Variants in CC2D2A observed in about 807,000 individuals in gnomAD.
CC2D2A encodes coiled-coil and C2 domain-containing protein 2A.
In CC2D2A, 155 loss-of-function variants were observed where a neutral mutation model predicts 212.9. That is an observed-to-expected ratio of 0.73 (90% confidence interval 0.64 to 0.83). CC2D2A has a LOEUF of 0.83. Ranked by LOEUF, CC2D2A falls within the 40% of genes least tolerant of loss-of-function variation. CC2D2A has a pLI of 0.00. For synonymous variants in CC2D2A, 667 were observed against 686.5 expected, an observed-to-expected ratio of 0.97 and a Z score of 0.44; for missense variants, 1,856 against 1,956.2, an observed-to-expected ratio of 0.95 and a Z score of 0.97.
At chr4:15,510,670 G>A (rs974403726) in intron 7 of CC2D2A, among the ~76,000 whole-genome samples, 4 of 152,154 alleles carry the variant, frequency 2.6e-5, no homozygotes, top group Admixed American at 2.6e-4. Flanking sequence ...AAAAAAGTAT[G>A]AGAAGTGATT....
At chr4:15,470,683 CTCTCTCTA>C (rs1713710483) in intron 1 of CC2D2A, among the ~76,000 whole-genome samples, 7 of 54,350 alleles carry the variant, frequency 1.3e-4, no homozygotes, top group South Asian at 6.8e-4. Context: ...CTCTCTCTCT[CTCTCTCTA>C]TATATATATA....
At chr4:15,486,043 T>C (rs917188422) in intron 4 of CC2D2A, among the ~76,000 whole-genome samples, 1 of 152,316 alleles carries the variant, frequency 6.6e-6, no homozygotes, top group Non-Finnish European at 1.5e-5. Flanking sequence ...GTTGTTAATT[T>C]ATTATTGAAT....
intron 7 of CC2D2A, 83 bp from the exon 8 acceptor site, chr4:15,511,164 A>G: frequency 1.4e-6 from 2 of 1,431,310 alleles, no homozygotes; most frequent in Non-Finnish European, 1.9e-6. Context: ...TCTCATTAGC[A>G]TTAAGCCAGC....
intron 16 of CC2D2A, among the ~76,000 whole-genome samples, chr4:15,540,299 T>C (rs894226144): frequency 1.6e-4 from 24 of 151,966 alleles, no homozygotes; most frequent in Admixed American, 5.2e-4. Context: ...TTTTTTTTTT[T>C]AACTTTCTGA....
intron 4 of CC2D2A, among the ~76,000 whole-genome samples, chr4:15,501,316 C>A (rs1715936892): frequency 6.6e-6 from 1 of 152,130 alleles, no homozygotes; most frequent in African/African-American, 2.4e-5. Flanking sequence ...CTCACACTGA[C>A]CCCCTTTCCT....
intron 6 of CC2D2A, among the ~76,000 whole-genome samples, chr4:15,504,680 T>C (rs1373830362): frequency 1.3e-5 from 2 of 152,212 alleles, no homozygotes; most frequent in African/African-American, 4.8e-5. Flanking sequence ...AGGGTGTTTA[T>C]TTCTCATTGT....
rs367939394 is a variant in CC2D2A at position 15,538,006 on chromosome 4, C to T, written c.1872C>T (p.Pro624=). ...TTGTGAAGCCCAGCCCTCCAGAGCC[C>T]ACTGATCGGGCAGTGATAGAGCAGG... ...EDLVKPSPPE[P]TDRAVIEQEV... The change falls in exon 16 of 37, where the codon CCC becomes CCT. Residue 624 remains proline, a synonymous_variant. Coordinates refer to ENST00000424120, the MANE Select transcript of CC2D2A (RefSeq NM_001378615.1). 5 of 1,609,454 alleles carry T rather than the reference C, an allele frequency of 3.1e-6. No homozygotes were observed. In the African/African-American group the frequency reaches 6.7e-5, roughly 22 times the overall value.
At chr4:15,470,404 C>G (rs1192182314) in intron 1 of CC2D2A, among the ~76,000 whole-genome samples, 2 of 152,006 alleles carry the variant, frequency 1.3e-5, no homozygotes, top group Non-Finnish European at 2.9e-5. Flanking sequence ...GGGAGAAGCA[C>G]TAATTACTGC....
chr4:15,516,047 T>C, intron 10 of CC2D2A, 43 bp downstream of exon 10: 2 of 1,478,438 alleles, frequency 1.4e-6, no homozygotes, highest in Non-Finnish European at 1.8e-6. Flanking sequence ...CTGGGCACAC[T>C]AGACATAGCT....
chr4:15,547,952 T>C (rs980970958), intron 17 of CC2D2A, among the ~76,000 whole-genome samples: 8 of 151,918 alleles, frequency 5.3e-5, no homozygotes, highest in African/African-American at 1.9e-4. Context: ...GGCAGGAGAA[T>C]TGCATGAACT....
chr4:15,601,243 G>A lies in CC2D2A; in HGVS notation c.4681G>A (p.Gly1561Arg). The change falls in exon 37 of 37, where the codon GGA becomes AGA. Residue 1561 changes from glycine (G) to arginine (R), a missense_variant. Physicochemically the swap from Gly to Arg is moderately radical, Grantham distance 125. Transcript: ENST00000424120. ...LKQLGDYRFSGFPLHMPYSEV... is the reference protein window; with the variant it reads ...LKQLGDYRFSRFPLHMPYSEV... The stretch of plus-strand genomic sequence containing the variant: ...AAATGTTTTTTCCCTTCAGTTCTCT[G>A]GATTTCCTCTTCACATGCCTTATTC... The A allele has an allele frequency of 6.2e-7, 1 of 1,611,904 alleles. No homozygotes were observed. The highest frequency in any genetic ancestry group is 2.2e-5 in the East Asian group (1 of 44,798).
intron 1 of CC2D2A, among the ~76,000 whole-genome samples, chr4:15,474,994 G>T (rs1389778795): frequency 6.6e-6 from 1 of 151,936 alleles, no homozygotes; most frequent in Admixed American, 6.5e-5. Context: ...GGCTTTTTTT[G>T]GCCGGGCACG....
intron 4 of CC2D2A, among the ~76,000 whole-genome samples, chr4:15,484,772 G>C (rs576289165): frequency 6.6e-6 from 1 of 152,308 alleles, no homozygotes; most frequent in East Asian, 1.9e-4. Flanking sequence ...CAGGTTTGAA[G>C]GTAGAAATTG....
intron 36 of CC2D2A, among the ~76,000 whole-genome samples, chr4:15,600,308 G>C (rs974024587): frequency 2.6e-5 from 4 of 152,130 alleles, no homozygotes; most frequent in Admixed American, 1.3e-4. Context: ...ACTCAAAAAG[G>C]CTTGAGCAAT....
intron 36 of CC2D2A, among the ~76,000 whole-genome samples, chr4:15,600,861 C>T (rs1721556625): frequency 7.2e-6 from 1 of 139,782 alleles, no homozygotes; most frequent in Non-Finnish European, 1.5e-5. Context: ...GAGCCATGAT[C>T]ATGCCACTGC....
At position 15,596,124 on chromosome 4, in the gene CC2D2A, A is replaced by G; in HGVS notation, c.4354A>G (p.Ile1452Val). Residue 1452 changes from isoleucine to valine, a missense_variant, in exon 34 of 37, where the codon ATA becomes GTA. By Grantham distance (29) the Ile-to-Val change is conservative. Transcript: ENST00000424120. ...TCAACGATATGAATCTCCACTAAGG[A>G]TAAATTTTGATGTCACCAGGCCCAA... ...NIQRYESPLR[I>V]NFDVTRPKLW... 2 of 1,549,732 alleles carry G rather than the reference A, an allele frequency of 1.3e-6. No individual in the cohort carries two copies. The highest frequency in any genetic ancestry group is 1.7e-6 in the Non-Finnish European group (2 of 1,145,976).
chr4:15,568,282 C>G (rs1029416858), intron 26 of CC2D2A, among the ~76,000 whole-genome samples: 2 of 152,214 alleles, frequency 1.3e-5, no homozygotes, highest in South Asian at 4.1e-4. Context: ...CAACCTCTAC[C>G]TTTATGGAGA....
At chr4:15,495,875 C>T (rs1194629540) in intron 4 of CC2D2A, among the ~76,000 whole-genome samples, 1 of 152,188 alleles carries the variant, frequency 6.6e-6, no homozygotes, top group Non-Finnish European at 1.5e-5. Context: ...TCCCTTTTCT[C>T]CTCAACTTTG....
intron 13 of CC2D2A, among the ~76,000 whole-genome samples, chr4:15,532,459 ATCATT>A (rs1717896730): frequency 6.6e-6 from 1 of 152,156 alleles, no homozygotes; most frequent in African/African-American, 2.4e-5. Context: ...TCACACTGAT[ATCATT>A]TATGTATGTG....
Sources: allele counts gnomAD v4.1 joint callset (sites outside exome capture counted in the v4.1 genomes callset), GRCh38; gene constraint gnomAD v4.1.1; transcripts MANE v1.5; gene names NCBI Gene and HGNC (gene_info 2026-07-23, HGNC 2026-07-21).